Variants in TBX15 observed in about 807,000 individuals in gnomAD.
TBX15 encodes the protein T-box transcription factor TBX15.
TBX15 carries 18 observed loss-of-function variants against 53.9 expected under a neutral mutation model. The ratio of observed to expected loss-of-function variants is 0.33; its 90% CI spans 0.23 to 0.49. TBX15 has a LOEUF of 0.49. Among genes scored for constraint, TBX15 ranks in the 20% least tolerant of loss-of-function variants. The pLI is 0.98. For missense variants in TBX15, 692 were observed against 749.5 expected (o/e 0.92, Z 0.90); for synonymous variants, 295 against 278.0 (o/e 1.06, Z -0.61).
intron 6 of TBX15, among the ~76,000 whole-genome samples, chr1:118,903,190 G>T (rs543581981): frequency 6.6e-6 from 1 of 152,080 alleles, no homozygotes; most frequent in South Asian, 2.1e-4. Flanking sequence ...TTCTCTTTAG[G>T]CTTTTCAGGC....
intron 1 of TBX15, among the ~76,000 whole-genome samples, chr1:118,972,561 C>T (rs915844676): frequency 6.6e-6 from 1 of 151,942 alleles, no homozygotes. Flanking sequence ...TAGTTTGGGA[C>T]CATCTTGTGC....
intron 7 of TBX15, among the ~76,000 whole-genome samples, chr1:118,894,356 G>A (rs572190557): frequency 1.3e-5 from 2 of 152,282 alleles, no homozygotes; most frequent in African/African-American, 2.4e-5. Flanking sequence ...TTTTAGAGGT[G>A]AGGCAGCAAA....
chr1:118,986,992 C>G (rs1278101361), intron 1 of TBX15, among the ~76,000 whole-genome samples: 1 of 152,188 alleles, frequency 6.6e-6, no homozygotes, highest in Non-Finnish European at 1.5e-5. Context: ...TACCCACACC[C>G]TAAATACACA....
intron 5 of TBX15, among the ~76,000 whole-genome samples, chr1:118,921,938 A>G (rs910090527): frequency 6.6e-6 from 1 of 152,244 alleles, no homozygotes; most frequent in African/African-American, 2.4e-5. Flanking sequence ...AGAACAATTT[A>G]TGCTACCTGG....
At chr1:118,943,870 A>G (rs1656264980) in intron 1 of TBX15, among the ~76,000 whole-genome samples, 2 of 152,176 alleles carry the variant, frequency 1.3e-5, no homozygotes, top group Admixed American at 1.3e-4. Flanking sequence ...CCCTATTTTG[A>G]GACTTATACA....
At chr1:118,925,509 A>T (rs960893946) in intron 3 of TBX15, among the ~76,000 whole-genome samples, 1 of 152,318 alleles carries the variant, frequency 6.6e-6, no homozygotes, top group East Asian at 1.9e-4. Context: ...TGGAAAAAAG[A>T]CATTGTTTGG....
chr1:118,907,038 C>T (rs570027889), intron 6 of TBX15, among the ~76,000 whole-genome samples: 73 of 152,202 alleles, frequency 4.8e-4, no homozygotes, highest in Non-Finnish European at 9.4e-4. Context: ...GCTCAGGCTT[C>T]CAATGGTGGA....
chr1:118,974,195 G>A (rs1286456253), intron 1 of TBX15, among the ~76,000 whole-genome samples: 1 of 152,194 alleles, frequency 6.6e-6, no homozygotes, highest in Non-Finnish European at 1.5e-5. Flanking sequence ...GGTTCCTTAG[G>A]AAAGGAAATG....
At chr1:118,958,273 G>A (rs1472155440) in intron 1 of TBX15, among the ~76,000 whole-genome samples, 1 of 152,180 alleles carries the variant, frequency 6.6e-6, no homozygotes, top group Non-Finnish European at 1.5e-5. Flanking sequence ...CATGTGGATG[G>A]CCATCTGTAA....
chr1:118,959,356 A>G (rs1488702154), intron 1 of TBX15, among the ~76,000 whole-genome samples: 1 of 152,226 alleles, frequency 6.6e-6, no homozygotes, highest in African/African-American at 2.4e-5. Flanking sequence ...GAAGGCAGAC[A>G]GCTGTGTTCT....
In TBX15 at chr1:118,884,892, C is replaced by G. The variant is rs1292260975; in HGVS notation, c.1649G>C (p.Gly550Ala). 1 of 1,614,154 alleles carries G rather than the reference C, an allele frequency of 6.2e-7. No homozygotes were observed. The highest frequency in any genetic ancestry group is 1.7e-5 in the Admixed American group (1 of 60,030). Reference sequence around the variant, plus strand: ...CAGGTACTGCCTCTCTCCAAAGGCCCCGTTGGAAGGAGAAGAACAGAGTAA... The same window carrying G: ...CAGGTACTGCCTCTCTCCAAAGGCCGCGTTGGAAGGAGAAGAACAGAGTAA... ...STLLCSSPSN[G>A]AFGERQYLPS... is the part of the protein sequence containing the mutation. Residue 550 changes from glycine to alanine, a missense_variant, in exon 8 of 8, where the codon GGG becomes GCG. Coordinates refer to ENST00000369429, the MANE Select transcript of TBX15 (RefSeq NM_001330677.2).
Position 118,961,160 on chromosome 1 carries a change from C to A in TBX15, c.205+26431G>T, listed in dbSNP as rs138375112. Among the ~76,000 whole-genome samples the A allele has an allele frequency of 2.2e-4, 33 of 152,306 alleles. No homozygotes were observed. In the East Asian group the frequency reaches 6.0e-3, roughly 28 times the overall value. ...AGACTAAAAATGATTTCCTGGTTCCCCCTTCCTAACTCAGGCTCTGTGCCC... is the reference window on the plus strand; with the variant it reads ...AGACTAAAAATGATTTCCTGGTTCCACCTTCCTAACTCAGGCTCTGTGCCC... On this transcript the variant is annotated intron_variant, in intron 1 of 7. Coordinates refer to ENST00000369429, the MANE Select transcript of TBX15 (RefSeq NM_001330677.2).
intron 1 of TBX15, among the ~76,000 whole-genome samples, chr1:118,968,115 C>T (rs1447851064): frequency 6.6e-6 from 1 of 152,208 alleles, no homozygotes; most frequent in Non-Finnish European, 1.5e-5. Context: ...GCCAAATGTA[C>T]ACTTGTCAGT....
At chr1:118,978,811 C>T (rs1408070744) in intron 1 of TBX15, among the ~76,000 whole-genome samples, 1 of 152,134 alleles carries the variant, frequency 6.6e-6, no homozygotes, top group Non-Finnish European at 1.5e-5. Flanking sequence ...CTAAATAGTA[C>T]GTATAGCCCC....
chr1:118,973,998 A>G (rs1336737930), intron 1 of TBX15, among the ~76,000 whole-genome samples: 3 of 152,346 alleles, frequency 2.0e-5, no homozygotes, highest in Non-Finnish European at 4.4e-5. Flanking sequence ...AATGTTGGTC[A>G]TGCAACTAGT....
At chr1:118,897,984 A>T (rs1654486296) in intron 7 of TBX15, among the ~76,000 whole-genome samples, 1 of 152,228 alleles carries the variant, frequency 6.6e-6, no homozygotes, top group Non-Finnish European at 1.5e-5. Flanking sequence ...TTGAAGGTGA[A>T]GATAATGAGG....
intron 1 of TBX15, among the ~76,000 whole-genome samples, chr1:118,939,068 C>T (rs926819261): frequency 3.3e-5 from 5 of 152,134 alleles, no homozygotes; most frequent in South Asian, 2.1e-4. Context: ...TCATGTCCTT[C>T]GCAGCAACAT....
rs939309384 is a variant in TBX15, at chr1:118,955,233, T to C, written c.206-23401A>G. Among the ~76,000 whole-genome samples, 10 of 143,104 alleles carry C rather than the reference T, an allele frequency of 7.0e-5. No individual in the cohort carries two copies. The South Asian group carries it at 2.2e-3, about 31-fold the overall frequency. The allele number at this position is 143,104 out of a possible 152,430, so 93.9% of individuals were successfully genotyped here. The stretch of plus-strand genomic sequence containing the variant: ...TAAAATGCCATCTGCCCTTTAAATA[T>C]GAACAATGTGATTAAAAAAAAAAAT... On this transcript the variant is annotated intron_variant, in intron 1 of 7. Transcript: ENST00000369429.
intron 7 of TBX15, among the ~76,000 whole-genome samples, chr1:118,893,709 C>T (rs1654299046): frequency 1.3e-5 from 2 of 152,112 alleles, no homozygotes; most frequent in African/African-American, 4.8e-5. Context: ...CTTTACAAAA[C>T]TTATTTTCTT....
Sources: gnomAD v4.1 joint callset for allele counts (sites outside exome capture counted in the v4.1 genomes callset) on GRCh38, gnomAD v4.1.1 for gene constraint, MANE v1.5 for transcripts, NCBI Gene and HGNC (gene_info 2026-07-23, HGNC 2026-07-21) for gene names.